Variants in LRRC49 observed in about 807,000 individuals in gnomAD.
LRRC49 encodes the protein leucine-rich repeat-containing protein 49.
In LRRC49, 50 loss-of-function variants were observed where a neutral mutation model predicts 83.3. The ratio of observed to expected loss-of-function variants is 0.60; its 90% CI spans 0.48 to 0.76. The LOEUF (loss-of-function observed/expected upper bound fraction) is 0.76, where lower values mean the gene tolerates loss of function less well. LRRC49 is among the 30% of genes least tolerant of loss of function. The pLI is 0.00. For synonymous variants in LRRC49, 286 were observed against 283.3 expected, an observed-to-expected ratio of 1.01 and a Z score of -0.10; for missense variants, 704 against 809.1, an observed-to-expected ratio of 0.87 and a Z score of 1.58.
chr15:71,016,976 G>A (rs926462923), intron 14 of LRRC49, among the ~76,000 whole-genome samples: 6 of 151,912 alleles, frequency 3.9e-5, no homozygotes, highest in African/African-American at 1.2e-4. Context: ...CATGTGGCTC[G>A]CACCTGTGGT....
chr15:70,873,256 T>C (rs1269168221), intron 2 of LRRC49: 2 of 1,531,740 alleles, frequency 1.3e-6, no homozygotes, highest in East Asian at 4.9e-5. Context: ...CATAATTTTG[T>C]ATAACAATTA....
At position 71,032,619 on chromosome 15, in the gene LRRC49, A is replaced by G. The variant is rs541550211; in HGVS notation, c.1704-4560A>G. ...TTAATACAAAAATCTTCAATCAAAT[A>G]CTGGCAAACCAAATCAAGCATCACA... On this transcript the variant is annotated intron_variant, in intron 14 of 15. Transcript: ENST00000260382. Among the ~76,000 whole-genome samples the G allele has an allele frequency of 2.0e-5, 3 of 152,210 alleles. No homozygotes were observed. In the South Asian group the frequency reaches 6.2e-4, roughly 32 times the overall value.
At chr15:71,027,577 A>G (rs1388499193) in intron 14 of LRRC49, among the ~76,000 whole-genome samples, 3 of 152,234 alleles carry the variant, frequency 2.0e-5, no homozygotes, top group Non-Finnish European at 4.4e-5. Context: ...ATCCATGAGC[A>G]TGGAATATTT....
At chr15:70,946,763 T>C (rs2036022780) in intron 8 of LRRC49, among the ~76,000 whole-genome samples, 1 of 152,138 alleles carries the variant, frequency 6.6e-6, no homozygotes, top group Non-Finnish European at 1.5e-5. Flanking sequence ...TCTGTTGTCT[T>C]TTTTATAAAA....
Position 71,049,748 on chromosome 15 carries a change from T to G in LRRC49, c.*136T>G. 1.7e-6 allele frequency: 1 copy of G among 597,812 alleles called. No homozygotes were observed. The highest frequency in any genetic ancestry group is 2.9e-6 in the Non-Finnish European group (1 of 347,058). 37.0% of individuals were successfully genotyped at this position (597,812 alleles called of 1,614,324 possible). On this transcript the variant is annotated 3_prime_UTR_variant, in exon 16 of 16. Transcript: ENST00000260382. ...CTAGTATAAAAGCATTATTGCCCAC[T>G]GTTCTCATAGCTAAAAGTTAAGAAG...
intron 14 of LRRC49, among the ~76,000 whole-genome samples, chr15:71,018,607 A>C (rs563713842): frequency 6.6e-6 from 1 of 152,294 alleles, no homozygotes; most frequent in Admixed American, 6.5e-5. Context: ...ACCATTCAAC[A>C]CAGATATGTG....
At chr15:70,949,380 A>G (rs1310963136) in intron 8 of LRRC49, among the ~76,000 whole-genome samples, 1 of 152,188 alleles carries the variant, frequency 6.6e-6, no homozygotes, top group Non-Finnish European at 1.5e-5. Context: ...AACTTATTAC[A>G]TATATATTTT....
At chr15:70,993,313 TGA>T (rs1227071609) in intron 11 of LRRC49, among the ~76,000 whole-genome samples, 2 of 152,242 alleles carry the variant, frequency 1.3e-5, no homozygotes, top group African/African-American at 2.4e-5. Flanking sequence ...GGGAATTCCC[TGA>T]CCCTTTGCCC....
In LRRC49 at chr15:71,015,965, C is replaced by T. The variant is rs1038568441; in HGVS notation, c.1703+3052C>T. On this transcript the variant is annotated intron_variant, in intron 14 of 15. Coordinates refer to ENST00000260382, the MANE Select transcript of LRRC49 (RefSeq NM_017691.5). ...AATAATTGGATGTTCTTATATGAAACGGTTAAGGTGTTTCAGAAAATAAAA... is the reference window on the plus strand; with the variant it reads ...AATAATTGGATGTTCTTATATGAAATGGTTAAGGTGTTTCAGAAAATAAAA... 2.6e-5 allele frequency among the ~76,000 whole-genome samples: 4 copies of T among 152,134 alleles called. 1 individual carries two copies. Among genetic ancestry groups the T allele is most frequent in the Admixed American group, 1.3e-4 (2 of 15,290 alleles).
chr15:70,897,243 C>T (rs1035887127), intron 3 of LRRC49, among the ~76,000 whole-genome samples: 13 of 152,072 alleles, frequency 8.5e-5, no homozygotes, highest in Admixed American at 3.3e-4. Context: ...ACTAGATATT[C>T]GCTAATGAGG....
rs1349708517 is a variant in LRRC49 at position 71,026,023 on chromosome 15, T to TA, written c.1704-11155dup. Among the ~76,000 whole-genome samples, 5 of 151,970 alleles carry TA rather than the reference T, an allele frequency of 3.3e-5. No homozygotes were observed. In the South Asian group the frequency reaches 6.2e-4, roughly 19 times the overall value. Reference sequence around the variant, plus strand: ...ACTCAGCTCTGGATCAAGTGGACCTTATAGATATCTACAGGTATTTCTCCT... The same window carrying TA: ...ACTCAGCTCTGGATCAAGTGGACCTTAATAGATATCTACAGGTATTTCTCCT... On this transcript the variant is annotated intron_variant, in intron 14 of 15. Coordinates refer to ENST00000260382, the MANE Select transcript of LRRC49 (RefSeq NM_017691.5).
chr15:70,957,849 A>G (rs1215845250), intron 8 of LRRC49, among the ~76,000 whole-genome samples: 6 of 152,224 alleles, frequency 3.9e-5, no homozygotes, highest in Non-Finnish European at 7.4e-5. Flanking sequence ...ACAGTGTTCC[A>G]GGAAAAGGAG....
At chr15:70,977,739 TA>T (rs1023693239) in intron 9 of LRRC49, among the ~76,000 whole-genome samples, 4 of 152,144 alleles carry the variant, frequency 2.6e-5, no homozygotes, top group Admixed American at 2.6e-4. Context: ...CCATTTCCTT[TA>T]AAACAACTAA....
chr15:71,038,860 A>C (rs142509601), intron 15 of LRRC49, among the ~76,000 whole-genome samples: 149 of 152,274 alleles, frequency 9.8e-4, no homozygotes, highest in Non-Finnish European at 1.1e-3. Flanking sequence ...ACTTTCATTC[A>C]TTCAAAAATC....
chr15:70,882,209 C>A (rs1226512152), intron 2 of LRRC49: 7 of 368,716 alleles, frequency 1.9e-5, no homozygotes, highest in Admixed American at 1.3e-4. Flanking sequence ...GCTTTGTAAC[C>A]TGATTTCTAC....
chr15:71,007,919 AATAAACT>A (rs1412510205), intron 11 of LRRC49, among the ~76,000 whole-genome samples: 2 of 151,576 alleles, frequency 1.3e-5, no homozygotes, highest in Non-Finnish European at 3.0e-5. Flanking sequence ...ACCTCTGAGA[AATAAACT>A]ATTTTTAGCA....
intron 1 of LRRC49, among the ~76,000 whole-genome samples, chr15:70,861,683 T>C (rs1389241426): frequency 6.6e-6 from 1 of 152,206 alleles, no homozygotes; most frequent in African/African-American, 2.4e-5. Context: ...CTTTGGAAAG[T>C]ATATTCAAGC....
chr15:70,930,719 C>T (rs1487108105), intron 7 of LRRC49, among the ~76,000 whole-genome samples: 1 of 152,212 alleles, frequency 6.6e-6, no homozygotes, highest in African/African-American at 2.4e-5. Context: ...ATCTAGGTAA[C>T]TTGCTGCAGC....
intron 6 of LRRC49, 53 bp from the exon 7 acceptor site, chr15:70,918,997 G>A: frequency 7.0e-7 from 1 of 1,435,112 alleles, no homozygotes; most frequent in African/African-American, 1.4e-5. Flanking sequence ...TTTAGAACAT[G>A]TATATTTCAG....
Sources: gnomAD v4.1 joint callset for allele counts (sites outside exome capture counted in the v4.1 genomes callset) on GRCh38, gnomAD v4.1.1 for gene constraint, MANE v1.5 for transcripts, NCBI Gene and HGNC (gene_info 2026-07-23, HGNC 2026-07-21) for gene names.